ACOX1: variants seen among roughly 807,000 people sequenced by gnomAD.
ACOX1 encodes the protein peroxisomal acyl-coenzyme A oxidase 1.
ACOX1 carries 41 observed loss-of-function variants against 75.5 expected under a neutral mutation model. The observed-to-expected ratio is 0.54, with a 90% CI of 0.42 to 0.70. The LOEUF (loss-of-function observed/expected upper bound fraction) is 0.70, where lower values mean the gene tolerates loss of function less well. Among genes scored for constraint, ACOX1 ranks in the 30% least tolerant of loss-of-function variants. The pLI, the probability that ACOX1 is intolerant of heterozygous loss-of-function variation, is 0.00. For synonymous variants in ACOX1, 303 were observed against 298.8 expected (o/e 1.01, Z -0.15); for missense variants, 630 against 837.5 (o/e 0.75, Z 3.06).
At chr17:75,961,253 A>G (rs552070536) in intron 2 of ACOX1, among the ~76,000 whole-genome samples, 1 of 149,362 alleles carries the variant, frequency 6.7e-6, no homozygotes, top group East Asian at 2.0e-4. Context: ...AGATAACACC[A>G]CTGCATTCTA....
At position 75,946,990 on chromosome 17, in the gene ACOX1, T is replaced by G. The variant is rs28496893; in HGVS notation, c.1936-195A>C. ...CTCCAGCGATCTTCCCACCTTAGCC[T>G]CCCGAGTTGCTAGAACTACAGGTGT... On this transcript the variant is annotated intron_variant, in intron 13 of 13. Transcript: ENST00000293217. 0.041 allele frequency among the ~76,000 whole-genome samples: 6,229 copies of G among 151,886 alleles called. 157 individuals are homozygous for G. Among genetic ancestry groups the G allele is most frequent in the Middle Eastern group, 0.11 (32 of 294 alleles).
rs1480393439 is a variant in ACOX1, at chr17:75,943,919, C to CA, written c.*2828dup. On this transcript the variant is annotated 3_prime_UTR_variant, in exon 14 of 14. Coordinates refer to ENST00000293217, the MANE Select transcript of ACOX1 (RefSeq NM_004035.7). The stretch of plus-strand genomic sequence containing the variant: ...TTAAATCAATATTATCTAACACACA[C>CA]AAAAAATCTCATTAATTCTCCTCAC... 2 of 152,242 alleles carry CA rather than the reference C, an allele frequency of 1.3e-5. No individual in the cohort carries two copies. Among genetic ancestry groups the CA allele is most frequent in the East Asian group, 1.9e-4 (1 of 5,186 alleles). 9.4% of individuals were successfully genotyped at this position (152,242 alleles called of 1,614,324 possible).
At chr17:75,961,059 G>A (rs1279821925) in intron 2 of ACOX1, among the ~76,000 whole-genome samples, 1 of 150,588 alleles carries the variant, frequency 6.6e-6, no homozygotes, top group South Asian at 2.1e-4. Context: ...CTGAGAGGCC[G>A]AGGTGGGTGG....
intron 2 of ACOX1, among the ~76,000 whole-genome samples, chr17:75,966,096 C>T (rs952201902): frequency 3.3e-5 from 5 of 151,704 alleles, no homozygotes; most frequent in Admixed American, 6.6e-5. Context: ...TGCCACTGCA[C>T]TCCAGGCTGG....
chr17:75,979,142 C>T lies in ACOX1; in HGVS notation c.-69G>A. The T allele has an allele frequency of 1.4e-5, 22 of 1,582,940 alleles. No homozygotes were observed. The highest frequency in any genetic ancestry group is 1.8e-5 in the Non-Finnish European group (21 of 1,170,596). On this transcript the variant is annotated 5_prime_UTR_variant, in exon 1 of 14. Transcript: ENST00000293217. The stretch of plus-strand genomic sequence containing the variant: ...CAGTGACAATCTAAATCCGCAGCTC[C>T]AGCGCCGGCCGGACCCTAGGAGGCA...
rs368878781 is a variant in ACOX1 at position 75,967,752 on chromosome 17, A to ATT, written c.270-7379_270-7378dup. ...TATATATACACGTATATATATATATATTTTTTGAGACAGCATGTCACTCTG... is the reference window on the plus strand; with the variant it reads ...TATATATACACGTATATATATATATATTTTTTTTGAGACAGCATGTCACTCTG... On this transcript the variant is annotated intron_variant, in intron 2 of 13. Coordinates refer to ENST00000293217, the MANE Select transcript of ACOX1 (RefSeq NM_004035.7). 7.2e-5 allele frequency among the ~76,000 whole-genome samples: 10 copies of ATT among 138,996 alleles called. 1 individual carries two copies. In the East Asian group the frequency reaches 1.4e-3, roughly 20 times the overall value. 91.2% of individuals were successfully genotyped at this position (138,996 alleles called of 152,430 possible).
intron 2 of ACOX1, among the ~76,000 whole-genome samples, chr17:75,962,891 G>T (rs561437713): frequency 1.3e-5 from 2 of 152,264 alleles, no homozygotes; most frequent in East Asian, 3.9e-4. Flanking sequence ...CAGCACTTTG[G>T]GAGGCCGAGG....
intron 4 of ACOX1, among the ~76,000 whole-genome samples, chr17:75,957,094 G>A (rs1257104874): frequency 6.8e-6 from 1 of 146,170 alleles, no homozygotes; most frequent in African/African-American, 2.5e-5. Flanking sequence ...TTGTTTGTTG[G>A]GTTGTTTTTG....
Position 75,960,134 on chromosome 17 carries a change from G to A in ACOX1, c.430+81C>T. 4.5e-6 allele frequency: 7 copies of A among 1,550,262 alleles called. No individual in the cohort carries two copies. The highest frequency in any genetic ancestry group is 4.5e-5 in the East Asian group (2 of 44,356). On this transcript the variant is annotated intron_variant, in intron 3 of 13. Coordinates refer to ENST00000293217, the MANE Select transcript of ACOX1 (RefSeq NM_004035.7). The surrounding 1 kb of genome is among the most constrained non-coding windows in gnomAD (Gnocchi z 4.4). ...GACCATAGAACATCGACACACCATC[G>A]ATGGCACATGGTGGGCACTCCACAC...
intron 4 of ACOX1, 182 bp downstream of exon 4, chr17:75,957,277 C>T: frequency 3.2e-6 from 2 of 618,786 alleles, no homozygotes; most frequent in South Asian, 1.7e-5. Flanking sequence ...GATGGGGTTT[C>T]AGCATATTAA....
intron 2 of ACOX1, among the ~76,000 whole-genome samples, chr17:75,977,292 G>A (rs2066060562): frequency 6.6e-6 from 1 of 151,864 alleles, no homozygotes; most frequent in African/African-American, 2.4e-5. Flanking sequence ...CACTGTGCCC[G>A]GCCCGAAGTC....
intron 13 of ACOX1, 32 bp from the exon 14 acceptor site, chr17:75,946,827 T>C: frequency 6.2e-7 from 1 of 1,603,896 alleles, no homozygotes; most frequent in Non-Finnish European, 8.5e-7. Flanking sequence ...GAACTACTAA[T>C]AAAGAGTTTG....
intron 2 of ACOX1, among the ~76,000 whole-genome samples, chr17:75,977,144 C>T (rs190537858): frequency 6.6e-6 from 1 of 151,060 alleles, no homozygotes; most frequent in East Asian, 2.0e-4. Flanking sequence ...ACCCCAGAAG[C>T]GCACCACCAG....
Position 75,977,545 on chromosome 17 carries a change from G to A in ACOX1, c.269+989C>T, listed in dbSNP as rs1409637142. Among the ~76,000 whole-genome samples, 5 of 151,992 alleles carry A rather than the reference G, an allele frequency of 3.3e-5. No homozygotes were observed. In the East Asian group the frequency reaches 5.8e-4, roughly 18 times the overall value. On this transcript the variant is annotated intron_variant, in intron 2 of 13. Coordinates refer to ENST00000293217, the MANE Select transcript of ACOX1 (RefSeq NM_004035.7). Reference sequence around the variant, plus strand: ...CGTGCCACTGCACTGCAGCCTGGGCGACAGAGCGAGACTCCGTCTCAAAAA... The same window carrying A: ...CGTGCCACTGCACTGCAGCCTGGGCAACAGAGCGAGACTCCGTCTCAAAAA...
chr17:75,979,155 A>T lies in ACOX1; in HGVS notation c.-82T>A. 1.3e-6 allele frequency: 2 copies of T among 1,552,590 alleles called. No individual in the cohort carries two copies. Among genetic ancestry groups the T allele is most frequent in the Non-Finnish European group, 1.7e-6 (2 of 1,152,192 alleles). On this transcript the variant is annotated 5_prime_UTR_variant, in exon 1 of 14. Transcript: ENST00000293217. ...AATCCGCAGCTCCAGCGCCGGCCGGACCCTAGGAGGCAGCCTCAGGACGGC... is the reference window on the plus strand; with the variant it reads ...AATCCGCAGCTCCAGCGCCGGCCGGTCCCTAGGAGGCAGCCTCAGGACGGC...
At chr17:75,965,479 G>A (rs1160437770) in intron 2 of ACOX1, among the ~76,000 whole-genome samples, 4 of 151,784 alleles carry the variant, frequency 2.6e-5, no homozygotes, top group Non-Finnish European at 5.9e-5. Flanking sequence ...AGATAGAGAA[G>A]GAGAAAAACA....
In ACOX1 at chr17:75,951,403, C is replaced by G. The variant is rs987537989; in HGVS notation, c.1107+12G>C. ...GAAGGGTGCCCATGAGTGAATGAGA[C>G]CAAACTCATACCTCAGGCAGTTCAC... On this transcript the variant is annotated intron_variant, in intron 8 of 13. Coordinates refer to ENST00000293217, the MANE Select transcript of ACOX1 (RefSeq NM_004035.7). 1 of 1,614,016 alleles carries G rather than the reference C, an allele frequency of 6.2e-7. No individual in the cohort carries two copies. The highest frequency in any genetic ancestry group is 2.2e-5 in the East Asian group (1 of 44,862).
intron 2 of ACOX1, among the ~76,000 whole-genome samples, chr17:75,976,991 CTTTTTTTTTTT>C (rs1019883355): frequency 2.5e-5 from 2 of 78,902 alleles, no homozygotes; most frequent in East Asian, 3.7e-4. Context: ...GCAAAAAAGT[CTTTTTTTTTTT>C]TTTTTTTTTT....
chr17:75,969,785 T>C (rs1051259369), intron 2 of ACOX1, among the ~76,000 whole-genome samples: 8 of 151,990 alleles, frequency 5.3e-5, no homozygotes, highest in African/African-American at 1.9e-4. Context: ...TCTATATTCC[T>C]AAATAGATGG....
Sources: gnomAD v4.1 joint callset for allele counts (sites outside exome capture counted in the v4.1 genomes callset) on GRCh38, gnomAD v4.1.1 for gene constraint, Gnocchi (gnomAD v3.1) non-coding constraint, MANE v1.5 for transcripts, NCBI Gene and HGNC (gene_info 2026-07-23, HGNC 2026-07-21) for gene names.